PPM1H: variants seen among roughly 807,000 people sequenced by gnomAD.
PPM1H encodes protein phosphatase, Mg2+/Mn2+ dependent 1H, also known as protein phosphatase 1H.
Under a neutral mutation model 54.9 loss-of-function variants are expected in PPM1H, and 27 were observed. That is an observed-to-expected ratio of 0.49 (90% CI 0.36 to 0.68). The LOEUF (loss-of-function observed/expected upper bound fraction) is 0.68. Ranked by LOEUF, PPM1H falls within the 30% of genes least tolerant of loss-of-function variation. PPM1H has a pLI of 0.00. For synonymous variants in PPM1H, 305 were observed against 270.8 expected (o/e 1.13, Z -1.24); for missense variants, 596 against 667.8 (o/e 0.89, Z 1.19).
chr12:62,824,123 C>A (rs995099421), intron 2 of PPM1H, among the ~76,000 whole-genome samples: 34 of 151,784 alleles, frequency 2.2e-4, no homozygotes, highest in Non-Finnish European at 4.7e-4. Flanking sequence ...AACAGAGAGC[C>A]AAATCATGAG....
At chr12:62,709,013 C>T (rs959000451) in intron 6 of PPM1H, among the ~76,000 whole-genome samples, 22 of 152,090 alleles carry the variant, frequency 1.4e-4, no homozygotes, top group African/African-American at 5.3e-4. Flanking sequence ...AAATTCTGTT[C>T]ATTATTGGCA....
intron 1 of PPM1H, among the ~76,000 whole-genome samples, chr12:62,902,382 A>T (rs1209949736): frequency 2.0e-5 from 3 of 151,510 alleles, no homozygotes; most frequent in Non-Finnish European, 2.9e-5. Flanking sequence ...ATAATAAAAT[A>T]AAAAAATAAT....
At position 62,737,534 on chromosome 12, in the gene PPM1H, G is replaced by T; in HGVS notation, c.922C>A (p.Pro308Thr). 6.3e-7 allele frequency: 1 copy of T among 1,587,166 alleles called. No individual in the cohort carries two copies. Among genetic ancestry groups the T allele is most frequent in the Non-Finnish European group, 8.6e-7 (1 of 1,165,934 alleles). The part of the protein sequence containing the change: ...EIIPMSSEFT[P>T]ETERQRLQYL... ...TGAAGTCGCTGGCGCTCCGTCTCGG[G>T]GGTAAATTCTGAAGACATGGGGATA... Residue 308 changes from proline to threonine, a missense_variant, in exon 5 of 10, where the codon CCC (proline) becomes ACC (threonine). Transcript: ENST00000228705.
intron 1 of PPM1H, among the ~76,000 whole-genome samples, chr12:62,917,515 T>C (rs1871661544): frequency 1.3e-5 from 2 of 152,224 alleles, no homozygotes; most frequent in Admixed American, 1.3e-4. Flanking sequence ...AAAATGGACA[T>C]TCCAAAGTGG....
At chr12:62,921,886 TA>T (rs1321233491) in intron 1 of PPM1H, among the ~76,000 whole-genome samples, 1 of 152,222 alleles carries the variant, frequency 6.6e-6, no homozygotes, top group Non-Finnish European at 1.5e-5. Flanking sequence ...AAACCTCACT[TA>T]CGATTTAAGC....
chr12:62,680,335 CTGTT>C (rs1394943768), intron 8 of PPM1H, among the ~76,000 whole-genome samples: 1 of 137,402 alleles, frequency 7.3e-6, no homozygotes, highest in Non-Finnish European at 1.5e-5. Flanking sequence ...CTCTTTCTTT[CTGTT>C]TCTTTCTTTC....
At chr12:62,923,386 A>C in intron 1 of PPM1H, among the ~76,000 whole-genome samples, 1 of 152,066 alleles carries the variant, frequency 6.6e-6, no homozygotes, top group South Asian at 2.1e-4. Flanking sequence ...CACATTTGAA[A>C]ATTTTTTTTT....
chr12:62,864,610 T>C (rs985781004), intron 1 of PPM1H, among the ~76,000 whole-genome samples: 3 of 152,248 alleles, frequency 2.0e-5, no homozygotes, highest in Admixed American at 6.5e-5. Context: ...TTGAAATTCA[T>C]GCAGGAAAAT....
chr12:62,716,964 T>C (rs998934927), intron 6 of PPM1H, among the ~76,000 whole-genome samples: 2 of 152,108 alleles, frequency 1.3e-5, no homozygotes, highest in African/African-American at 2.4e-5. Context: ...GAATGGATGA[T>C]TGATTTACTG....
At chr12:62,772,400 G>A (rs2076584444) in intron 4 of PPM1H, among the ~76,000 whole-genome samples, 1 of 152,100 alleles carries the variant, frequency 6.6e-6, no homozygotes, top group Admixed American at 6.5e-5. Context: ...CCTTCACATA[G>A]AGAGCTACTG....
intron 1 of PPM1H, among the ~76,000 whole-genome samples, chr12:62,852,085 T>TG (rs1179702147): frequency 6.6e-6 from 1 of 151,306 alleles, no homozygotes; most frequent in African/African-American, 2.4e-5. Context: ...AAAAATTAGC[T>TG]GGGCGTGGTG....
chr12:62,925,008 A>T (rs1272955307), intron 1 of PPM1H, among the ~76,000 whole-genome samples: 2 of 152,156 alleles, frequency 1.3e-5, no homozygotes, highest in Non-Finnish European at 2.9e-5. Flanking sequence ...ACACCACTGC[A>T]CTCCAGCCTG....
intron 9 of PPM1H, among the ~76,000 whole-genome samples, chr12:62,655,918 A>C (rs1485164247): frequency 1.3e-5 from 2 of 152,266 alleles, no homozygotes; most frequent in Non-Finnish European, 2.9e-5. Context: ...CTCTGCTGAA[A>C]GCAATGGCTG....
chr12:62,861,171 G>A (rs1869588495), intron 1 of PPM1H, among the ~76,000 whole-genome samples: 1 of 152,190 alleles, frequency 6.6e-6, no homozygotes, highest in African/African-American at 2.4e-5. Context: ...TTCTTTACTA[G>A]CAAAATAAGC....
At chr12:62,796,128 G>A (rs2076732891) in intron 3 of PPM1H, among the ~76,000 whole-genome samples, 1 of 152,184 alleles carries the variant, frequency 6.6e-6, no homozygotes, top group Non-Finnish European at 1.5e-5. Context: ...GCAGTTCTTA[G>A]TGAAAACAAC....
Position 62,720,247 on chromosome 12 carries a change from A to C in PPM1H, c.997T>G (p.Leu333Val). The C allele has an allele frequency of 6.2e-7, 1 of 1,613,876 alleles. No individual in the cohort carries two copies. ...PHLLGNEFTHLEFPRRVQRKE... is the reference protein window; with the variant it reads ...PHLLGNEFTHVEFPRRVQRKE... Reference sequence around the variant, plus strand: ...CTCTGTACTCTCCTTGGAAACTCCAAATGTGTGAACTCATTTCCCAGCAAG... The same window carrying C: ...CTCTGTACTCTCCTTGGAAACTCCACATGTGTGAACTCATTTCCCAGCAAG... Residue 333 changes from leucine (L) to valine (V), a missense_variant, in exon 6 of 10, where the codon TTG becomes GTG. By Grantham distance (32) the Leu-to-Val change is conservative. Transcript: ENST00000228705.
rs2076739794 is a variant in PPM1H, at chr12:62,797,249, C to T, written c.756+4567G>A. Reference sequence around the variant, plus strand: ...AAGGATATTGTGACACTCAGAATCTCCAGAGGGACAGCTGCATAAATGTCA... The same window carrying T: ...AAGGATATTGTGACACTCAGAATCTTCAGAGGGACAGCTGCATAAATGTCA... On this transcript the variant is annotated intron_variant, in intron 3 of 9. Transcript: ENST00000228705. Among the ~76,000 whole-genome samples the T allele has an allele frequency of 2.0e-5, 3 of 152,070 alleles. No homozygotes were observed. In the South Asian group the frequency reaches 6.2e-4, roughly 32 times the overall value.
intron 6 of PPM1H, among the ~76,000 whole-genome samples, chr12:62,699,548 G>A (rs1837521768): frequency 6.6e-6 from 1 of 152,208 alleles, no homozygotes; most frequent in Non-Finnish European, 1.5e-5. Context: ...GCAGAATCTT[G>A]TCTGGTGGAG....
chr12:62,870,766 C>A (rs1020160082), intron 1 of PPM1H, among the ~76,000 whole-genome samples: 4 of 152,102 alleles, frequency 2.6e-5, no homozygotes, highest in African/African-American at 9.7e-5. Flanking sequence ...TGTGAATAGA[C>A]GTTTTTGCAA....
Sources: gnomAD v4.1 joint callset for allele counts (sites outside exome capture counted in the v4.1 genomes callset) on GRCh38, gnomAD v4.1.1 for gene constraint, MANE v1.5 for transcripts, NCBI Gene and HGNC (gene_info 2026-07-23, HGNC 2026-07-21) for gene names.